The following NT5DC1 variants were observed in gnomAD, a reference collection of about 807,000 sequenced individuals.
The protein encoded by NT5DC1 is 5'-nucleotidase domain containing 1.
NT5DC1 carries 42 observed loss-of-function variants against 59.4 expected under a neutral mutation model. The ratio of observed to expected loss-of-function variants is 0.71; its 90% CI spans 0.55 to 0.92. The LOEUF (loss-of-function observed/expected upper bound fraction) is 0.92, where lower values mean the gene tolerates loss of function less well. Among genes scored for constraint, NT5DC1 ranks in the 40% least tolerant of loss-of-function variants. NT5DC1 has a pLI of 0.00. For missense variants in NT5DC1, 501 were observed against 537.1 expected, an observed-to-expected ratio of 0.93 and a Z score of 0.66; for synonymous variants, 172 against 188.1, an observed-to-expected ratio of 0.91 and a Z score of 0.70.
intron 6 of NT5DC1, among the ~76,000 whole-genome samples, chr6:116,130,722 G>A (rs764569683): frequency 1.3e-5 from 2 of 151,976 alleles, no homozygotes; most frequent in Admixed American, 6.6e-5. Context: ...CAGGACCACA[G>A]GTGTTTACTT....
At chr6:116,233,067 ATTAAGT>A (rs1223586407) in intron 8 of NT5DC1, among the ~76,000 whole-genome samples, 1 of 152,150 alleles carries the variant, frequency 6.6e-6, no homozygotes, top group Non-Finnish European at 1.5e-5. Context: ...TCTATTAGTG[ATTAAGT>A]TAAAGGGTTT....
chr6:116,204,945 A>G (rs1582872345), intron 6 of NT5DC1, among the ~76,000 whole-genome samples: 1 of 152,146 alleles, frequency 6.6e-6, no homozygotes, highest in East Asian at 1.9e-4. Context: ...AATGTGTACT[A>G]GAAAATACAT....
chr6:116,247,890 CTT>C lies in NT5DC1; in HGVS notation c.*3870_*3871del, dbSNP rs1430041717. ...ATTCCATGAGTATAACGTTTAATGT[CTT>C]TTTGGTACATTAAATATTCAGTGCC... On this transcript the variant is annotated 3_prime_UTR_variant, in exon 12 of 12. Transcript: ENST00000319550. 2 of 152,176 alleles carry C rather than the reference CTT, an allele frequency of 1.3e-5. No homozygotes were observed. Among genetic ancestry groups the C allele is most frequent in the Non-Finnish European group, 2.9e-5 (2 of 68,034 alleles). 9.4% of individuals were successfully genotyped at this position (152,176 alleles called of 1,614,324 possible).
chr6:116,220,424 C>G (rs961706709), intron 6 of NT5DC1, among the ~76,000 whole-genome samples: 1 of 152,160 alleles, frequency 6.6e-6, no homozygotes, highest in African/African-American at 2.4e-5. Context: ...AGCAAGCAAC[C>G]CCGCTTCAGT....
chr6:116,204,623 C>T (rs1781412202), intron 6 of NT5DC1, among the ~76,000 whole-genome samples: 3 of 151,760 alleles, frequency 2.0e-5, no homozygotes, highest in African/African-American at 7.3e-5. Flanking sequence ...TTTATAAGCC[C>T]TAAAGAAGTA....
intron 6 of NT5DC1, among the ~76,000 whole-genome samples, chr6:116,174,774 A>C (rs183529225): frequency 1.3e-5 from 2 of 152,286 alleles, no homozygotes; most frequent in Admixed American, 1.3e-4. Flanking sequence ...GACTCAGTCT[A>C]CAATTCTACC....
chr6:116,234,971 G>A (rs895122944), intron 8 of NT5DC1, among the ~76,000 whole-genome samples: 2 of 151,492 alleles, frequency 1.3e-5, no homozygotes, highest in African/African-American at 4.8e-5. Flanking sequence ...CAGTATAGGG[G>A]CTGGAAACAG....
Position 116,178,830 on chromosome 6 carries a change from A to G in NT5DC1, c.530-42224A>G, listed in dbSNP as rs1389585946. 2.0e-5 allele frequency among the ~76,000 whole-genome samples: 3 copies of G among 152,338 alleles called. No individual in the cohort carries two copies. The East Asian group carries it at 5.8e-4, about 29-fold the overall frequency. The stretch of plus-strand genomic sequence containing the variant: ...GAACCAGAAAAAGCCCCCAACTCCC[A>G]GTAAATTTGCAATTTCAGTGTTTGC... On this transcript the variant is annotated intron_variant, in intron 6 of 11. Transcript: ENST00000319550.
Position 116,244,104 on chromosome 6 carries a change from A to C in NT5DC1, c.*80A>C, listed in dbSNP as rs1228213286. On this transcript the variant is annotated 3_prime_UTR_variant, in exon 12 of 12. Coordinates refer to ENST00000319550, the MANE Select transcript of NT5DC1 (RefSeq NM_152729.3). ...TAATTTTCAAAAAATACTGTAAAAG[A>C]CTTTAAGGAACAAGTTTTATTGACC... is the stretch of plus-strand genomic sequence containing the variant. 1.8e-6 allele frequency: 1 copy of C among 540,580 alleles called. No individual in the cohort carries two copies. Among genetic ancestry groups the C allele is most frequent in the Non-Finnish European group, 3.3e-6 (1 of 300,098 alleles). 33.5% of individuals were successfully genotyped at this position (540,580 alleles called of 1,614,324 possible).
chr6:116,230,113 A>G (rs1021583371), intron 8 of NT5DC1, among the ~76,000 whole-genome samples: 4 of 152,064 alleles, frequency 2.6e-5, no homozygotes, highest in Non-Finnish European at 5.9e-5. Context: ...TATACCTGGG[A>G]AATCTCTCAT....
chr6:116,201,672 C>A lies in NT5DC1; in HGVS notation c.530-19382C>A, dbSNP rs138127913. On this transcript the variant is annotated intron_variant, in intron 6 of 11. Coordinates refer to ENST00000319550, the MANE Select transcript of NT5DC1 (RefSeq NM_152729.3). ...TGACATCCCTTCCCACCCATGAAGTCGGGAAGGTAATATGTGGCCACTTCT... is the reference window on the plus strand; with the variant it reads ...TGACATCCCTTCCCACCCATGAAGTAGGGAAGGTAATATGTGGCCACTTCT... 5.5e-3 allele frequency among the ~76,000 whole-genome samples: 832 copies of A among 152,016 alleles called. 6 individuals carry two copies. The highest frequency in any genetic ancestry group is 8.8e-3 in the Non-Finnish European group (596 of 67,908).
chr6:116,120,573 G>A, intron 6 of NT5DC1: 3 of 1,601,870 alleles, frequency 1.9e-6, no homozygotes, highest in Non-Finnish European at 2.6e-6. Context: ...TGACCTGGTG[G>A]GCCTGGAGGC....
rs1782178688 is a variant in NT5DC1 at position 116,239,124 on chromosome 6, G to A, written c.1252+1G>A. The stretch of plus-strand genomic sequence containing the variant: ...ATTCCAAGTATTGAAGCAATCGCAG[G>A]TAAGGGGGAAAATACCTATAAAGCT... On this transcript the variant is annotated splice_donor_variant, in intron 11 of 11. Coordinates refer to ENST00000319550, the MANE Select transcript of NT5DC1 (RefSeq NM_152729.3). LOFTEE classifies it high-confidence loss of function. The A allele has an allele frequency of 1.9e-6, 3 of 1,604,912 alleles. No individual in the cohort carries two copies. The highest frequency in any genetic ancestry group is 2.7e-5 in the African/African-American group (2 of 74,662).
chr6:116,239,790 A>G (rs897511664), intron 11 of NT5DC1, among the ~76,000 whole-genome samples: 14 of 152,214 alleles, frequency 9.2e-5, no homozygotes, highest in Non-Finnish European at 1.6e-4. Context: ...AAAACAATTC[A>G]TATAAAATTC....
At chr6:116,184,264 T>C (rs899181456) in intron 6 of NT5DC1, among the ~76,000 whole-genome samples, 6 of 152,132 alleles carry the variant, frequency 3.9e-5, no homozygotes, top group Admixed American at 1.3e-4. Flanking sequence ...TTGATCATGA[T>C]TGATAATCTT....
At chr6:116,224,613 T>C (rs1463513941) in intron 8 of NT5DC1, among the ~76,000 whole-genome samples, 2 of 152,138 alleles carry the variant, frequency 1.3e-5, no homozygotes, top group African/African-American at 2.4e-5. Flanking sequence ...TTCCTGGCAG[T>C]GGATCAAATG....
Position 116,237,007 on chromosome 6 carries a change from C to A in NT5DC1, c.844C>A (p.Pro282Thr). 6.2e-7 allele frequency: 1 copy of A among 1,612,394 alleles called. No homozygotes were observed. Among genetic ancestry groups the A allele is most frequent in the Non-Finnish European group, 8.5e-7 (1 of 1,178,506 alleles). ...GGAGGCACTGCCATCTCTGGATAAA[C>A]CTGGCTGGTACTCCCAAGGGAACGC... ...EQEALPSLDK[P>T]GWYSQGNAVH... The change falls in exon 9 of 12, where the codon CCT becomes ACT. Residue 282 changes from proline (P) to threonine (T), a missense_variant. Physicochemically the swap from Pro to Thr is conservative, Grantham distance 38. Transcript: ENST00000319550.
chr6:116,143,315 A>G (rs1779812616), intron 6 of NT5DC1, among the ~76,000 whole-genome samples: 1 of 152,202 alleles, frequency 6.6e-6, no homozygotes, highest in East Asian at 1.9e-4. Flanking sequence ...GGTTCAAGCA[A>G]TTCTCCTGCC....
chr6:116,166,411 G>A (rs1463712172), intron 6 of NT5DC1, among the ~76,000 whole-genome samples: 1 of 152,200 alleles, frequency 6.6e-6, no homozygotes, highest in African/African-American at 2.4e-5. Context: ...TAAAGGAATG[G>A]ATCAACCAAT....
Sources: gnomAD v4.1 joint callset for allele counts (sites outside exome capture counted in the v4.1 genomes callset) on GRCh38, gnomAD v4.1.1 for gene constraint, MANE v1.5 for transcripts, NCBI Gene and HGNC (gene_info 2026-07-23, HGNC 2026-07-21) for gene names.